The following CELF2 variants were observed in gnomAD, a reference collection of about 807,000 sequenced individuals.
The protein encoded by CELF2 is CUG triplet repeat RNA-binding protein 2.
In CELF2, 8 loss-of-function variants were observed where a neutral mutation model predicts 62.6. The observed-to-expected ratio is 0.13, with a 90% CI of 0.07 to 0.23. CELF2 has a LOEUF of 0.23. CELF2 is among the 10% of genes least tolerant of loss of function. The pLI, the probability that CELF2 is intolerant of heterozygous loss-of-function variation, is 1.00. For missense variants in CELF2, 333 were observed against 671.0 expected, an observed-to-expected ratio of 0.50 and a Z score of 5.56; for synonymous variants, 258 against 250.0, an observed-to-expected ratio of 1.03 and a Z score of -0.30.
chr10:10,868,997 T>C (rs1042310066), intron 1 of CELF2, among the ~76,000 whole-genome samples: 5 of 152,228 alleles, frequency 3.3e-5, no homozygotes, highest in African/African-American at 1.2e-4. Flanking sequence ...AAGAATGTTA[T>C]AGTAACATGT....
chr10:11,257,820 T>C lies in CELF2; in HGVS notation c.486T>C (p.Phe162=). The C allele has an allele frequency of 6.2e-7, 1 of 1,614,232 alleles. No homozygotes were observed. Among genetic ancestry groups the C allele is most frequent in the Non-Finnish European group, 8.5e-7 (1 of 1,180,036 alleles). The change falls in exon 5 of 13, where the codon TTT becomes TTC. Residue 162 remains phenylalanine, a synonymous_variant. Coordinates refer to ENST00000633077, the MANE Select transcript of CELF2 (RefSeq NM_001326342.2). ...ENDIRVMFSP[F]GQIEECRILR... ...ACATCAGGGTGATGTTCTCTCCATT[T>C]GGCCAGATAGAAGAATGCCGGATCC...
intron 1 of CELF2, among the ~76,000 whole-genome samples, chr10:11,028,076 C>T (rs1428241342): frequency 2.6e-5 from 4 of 152,206 alleles, no homozygotes; most frequent in Non-Finnish European, 5.9e-5. Flanking sequence ...AGCATTGTTG[C>T]TCCCAAGTGA....
At chr10:11,155,613 G>A (rs1314675011) in intron 1 of CELF2, among the ~76,000 whole-genome samples, 1 of 152,176 alleles carries the variant, frequency 6.6e-6, no homozygotes, top group Non-Finnish European at 1.5e-5. Context: ...AAATATTGGA[G>A]TTTGAAGGCA....
the CELF2 span, among the ~76,000 whole-genome samples, chr10:10,671,781 G>A: frequency 6.6e-6 from 1 of 151,576 alleles, no homozygotes; most frequent in East Asian, 1.9e-4. Context: ...CCAGGCTGGA[G>A]TGCAGTGGTG....
In CELF2 at chr10:11,191,712, C is replaced by A. The variant is rs938223695; in HGVS notation, c.272-25713C>A. Among the ~76,000 whole-genome samples the A allele has an allele frequency of 3.3e-5, 5 of 152,168 alleles. No individual in the cohort carries two copies. The highest frequency in any genetic ancestry group is 1.2e-4 in the African/African-American group (5 of 41,408). ...GCTTATTCCCAGTCGGCAGACTGGA[C>A]TTCTTCATAAGTGAAAAATAGTTAC... On this transcript the variant is annotated intron_variant, in intron 2 of 12. Coordinates refer to ENST00000633077, the MANE Select transcript of CELF2 (RefSeq NM_001326342.2). The surrounding 1 kb of genome is among the most constrained non-coding windows in gnomAD (Gnocchi z 4.1).
chr10:10,806,152 C>T lies in CELF2; in HGVS notation c.53+7335C>T, dbSNP rs532266531. ...CATGGTGTAGACATTAATGTCACCACGAAGGGTATTTCCTGGAGCAGAGCA... is the reference window on the plus strand; with the variant it reads ...CATGGTGTAGACATTAATGTCACCATGAAGGGTATTTCCTGGAGCAGAGCA... On this transcript the variant is annotated intron_variant, in intron 1 of 13. Transcript: ENST00000636488. Among the ~76,000 whole-genome samples the T allele has an allele frequency of 5.3e-5, 8 of 150,836 alleles. No homozygotes were observed. The East Asian group carries it at 7.8e-4, about 15-fold the overall frequency.
the CELF2 span, among the ~76,000 whole-genome samples, chr10:10,640,267 G>A: frequency 6.6e-6 from 1 of 152,296 alleles, no homozygotes; most frequent in East Asian, 1.9e-4. Flanking sequence ...GTTGAGTAAA[G>A]GCTTGGCTTC....
At chr10:10,747,165 G>T in the CELF2 span, among the ~76,000 whole-genome samples, 2 of 152,206 alleles carry the variant, frequency 1.3e-5, no homozygotes, top group Non-Finnish European at 2.9e-5. Context: ...TCCTTTAAAA[G>T]TCTGCAAGCT....
At chr10:10,734,622 A>G in the CELF2 span, among the ~76,000 whole-genome samples, 1 of 152,254 alleles carries the variant, frequency 6.6e-6, no homozygotes, top group East Asian at 1.9e-4. Context: ...TCCCTAGGCT[A>G]GAACCCAAGA....
the CELF2 span, among the ~76,000 whole-genome samples, chr10:10,726,879 C>T: frequency 5.0e-4 from 76 of 152,282 alleles, no homozygotes; most frequent in South Asian, 0.013. Flanking sequence ...AATTGGCTCA[C>T]GGTTCTGCAG....
the CELF2 span, among the ~76,000 whole-genome samples, chr10:10,569,311 C>G: frequency 6.6e-6 from 1 of 152,106 alleles, no homozygotes; most frequent in Non-Finnish European, 1.5e-5. Context: ...TCTAAACTGG[C>G]AGGAGGCAAA....
At chr10:11,273,715 G>GTTT (rs1555042453) in intron 7 of CELF2, among the ~76,000 whole-genome samples, 1 of 150,414 alleles carries the variant, frequency 6.6e-6, no homozygotes, top group Non-Finnish European at 1.5e-5. Context: ...TGAAAGTTTT[G>GTTT]TTTTTTTGTT....
Position 11,165,409 on chromosome 10 carries a change from C to T in CELF2, c.75-77C>T. ...TTCCTCCTCCTTCCGCCTCCCCGCT[C>T]CCCCACCCCCACTATTTTTTCTTCC... On this transcript the variant is annotated intron_variant, in intron 1 of 12. Transcript: ENST00000633077. The surrounding 1 kb of genome is among the most constrained non-coding windows in gnomAD (Gnocchi z 7.4). The T allele has an allele frequency of 1.3e-6, 2 of 1,528,228 alleles. No individual in the cohort carries two copies. The highest frequency in any genetic ancestry group is 1.9e-5 in the Admixed American group (1 of 51,688). 94.7% of individuals were successfully genotyped at this position (1,528,228 alleles called of 1,614,324 possible). A position where few individuals can be genotyped will look rare whatever the true frequency, so the allele number is the denominator to read the frequency against.
At chr10:10,610,146 AACAG>A in the CELF2 span, among the ~76,000 whole-genome samples, 1 of 152,242 alleles carries the variant, frequency 6.6e-6, no homozygotes, top group Non-Finnish European at 1.5e-5. Context: ...GATCAAAAGT[AACAG>A]ACAGTAACAC....
At chr10:10,779,381 C>T in the CELF2 span, among the ~76,000 whole-genome samples, 1 of 152,200 alleles carries the variant, frequency 6.6e-6, no homozygotes, top group Non-Finnish European at 1.5e-5. Flanking sequence ...AAAAACCTTA[C>T]TCAAGCCAGG....
At chr10:10,923,810 C>T (rs926098631) in intron 2 of CELF2, 15 of 152,278 alleles carry the variant, frequency 9.9e-5, no homozygotes, top group Admixed American at 8.5e-4. Context: ...GTCCCGGAAA[C>T]GGGATGTATG....
intron 1 of CELF2, among the ~76,000 whole-genome samples, chr10:10,906,416 A>G (rs1407386659): frequency 6.6e-6 from 1 of 152,196 alleles, no homozygotes; most frequent in Middle Eastern, 3.2e-3. Flanking sequence ...AGATGTTACA[A>G]AAGCACCCAA....
At chr10:10,764,865 T>C in the CELF2 span, among the ~76,000 whole-genome samples, 1 of 152,134 alleles carries the variant, frequency 6.6e-6, no homozygotes, top group Non-Finnish European at 1.5e-5. Flanking sequence ...GTTAAATATC[T>C]CCACTTCACA....
intron 1 of CELF2, among the ~76,000 whole-genome samples, chr10:11,103,746 T>C (rs1168075291): frequency 1.3e-5 from 2 of 152,126 alleles, no homozygotes; most frequent in Non-Finnish European, 2.9e-5. Flanking sequence ...GATTACTGGT[T>C]CGTAGTAGAA....
Sources: allele counts gnomAD v4.1 joint callset (sites outside exome capture counted in the v4.1 genomes callset), GRCh38; gene constraint gnomAD v4.1.1; non-coding constraint Gnocchi (gnomAD v3.1); transcripts MANE v1.5; gene names NCBI Gene and HGNC (gene_info 2026-07-23, HGNC 2026-07-21).